Variants in ANO1 observed in about 807,000 individuals in gnomAD.
ANO1 encodes the protein anoctamin 1, also known as anoctamin-1.
A neutral mutation model predicts 124.0 loss-of-function variants in ANO1; 59 were observed. The ratio of observed to expected loss-of-function variants is 0.48; its 90% confidence interval spans 0.39 to 0.59. The LOEUF (loss-of-function observed/expected upper bound fraction) is 0.59, where lower values mean the gene tolerates loss of function less well. Ranked by LOEUF, ANO1 falls within the 20% of genes least tolerant of loss-of-function variation. The probability of loss-of-function intolerance (pLI) is 0.00; values close to 1 mark genes in which losing one functional copy is unlikely to be tolerated. For synonymous variants in ANO1, 529 were observed against 532.0 expected (o/e 0.99, Z 0.08); for missense variants, 1,059 against 1,328.0 (o/e 0.80, Z 3.15).
intron 1 of ANO1, among the ~76,000 whole-genome samples, chr11:70,086,790 C>T (rs2044405744): frequency 6.6e-6 from 1 of 152,216 alleles, no homozygotes; most frequent in Non-Finnish European, 1.5e-5. Flanking sequence ...CTCCTTAACC[C>T]ACCCCTGTCA....
At chr11:70,023,202 G>A (rs115374524) in intron 1 of ANO1, among the ~76,000 whole-genome samples, 1,800 of 152,292 alleles carry the variant, frequency 0.012, 42 homozygotes, top group African/African-American at 0.04. Flanking sequence ...TGGGAAACTC[G>A]TGCGCTGGGA....
chr11:70,077,988 G>A (rs118033038), upstream of ANO1, among the ~76,000 whole-genome samples: 328 of 150,738 alleles, frequency 2.2e-3, no homozygotes, highest in Non-Finnish European at 4.0e-3. Flanking sequence ...AGGGTGGAGG[G>A]AAAGGGGCAG....
chr11:70,044,488 A>G (rs1857228707), intron 1 of ANO1, among the ~76,000 whole-genome samples: 1 of 152,204 alleles, frequency 6.6e-6, no homozygotes, highest in South Asian at 2.1e-4. Context: ...ATCAAAATAA[A>G]TAATGATAGT....
chr11:69,974,369 G>A, the ANO1 span, among the ~76,000 whole-genome samples: 1 of 152,140 alleles, frequency 6.6e-6, no homozygotes, highest in Non-Finnish European at 1.5e-5. Context: ...ACTTAGAGAT[G>A]GTTACTATGG....
intron 1 of ANO1, among the ~76,000 whole-genome samples, chr11:70,065,792 C>G (rs750375941): frequency 6.6e-6 from 1 of 152,212 alleles, no homozygotes; most frequent in Non-Finnish European, 1.5e-5. Flanking sequence ...GTGCCGCTGC[C>G]TGCAATGTTC....
upstream of ANO1, among the ~76,000 whole-genome samples, chr11:70,078,031 C>G (rs2044085905): frequency 1.6e-4 from 1 of 6,352 alleles, no homozygotes; most frequent in South Asian, 0.015. Flanking sequence ...AGCTTCACTC[C>G]CCCCGGAGGC....
At chr11:69,984,459 C>T (rs1855990115), upstream of ANO1, among the ~76,000 whole-genome samples, 1 of 109,502 alleles carries the variant, frequency 9.1e-6, no homozygotes, top group South Asian at 3.3e-4. Context: ...CTTTCAGACT[C>T]AATGCGAGGA....
intron 2 of ANO1, among the ~76,000 whole-genome samples, chr11:70,090,302 T>C (rs1262203103): frequency 6.6e-6 from 1 of 152,192 alleles, no homozygotes; most frequent in Non-Finnish European, 1.5e-5. Flanking sequence ...CCACCGCGCC[T>C]GGCCCCTCCC....
chr11:70,165,615 C>G, intron 20 of ANO1, 45 bp downstream of exon 20: 1 of 1,519,496 alleles, frequency 6.6e-7, no homozygotes, highest in South Asian at 1.2e-5. Context: ...CGGGGCCAGG[C>G]GGAGGGGTGT....
intron 1 of ANO1, among the ~76,000 whole-genome samples, chr11:70,044,164 G>A (rs193014369): frequency 1.1e-4 from 16 of 151,726 alleles, no homozygotes; most frequent in South Asian, 4.2e-4. Context: ...ACTCAAAAGC[G>A]ACCACTAAAT....
intron 25 of ANO1, among the ~76,000 whole-genome samples, chr11:70,187,186 G>A (rs187426766): frequency 6.6e-6 from 1 of 152,234 alleles, no homozygotes; most frequent in African/African-American, 2.4e-5. Flanking sequence ...CACCAGCACC[G>A]CCCGTGGCGG....
chr11:70,175,821 G>C (rs1187274125), intron 22 of ANO1, among the ~76,000 whole-genome samples: 1 of 152,128 alleles, frequency 6.6e-6, no homozygotes, highest in African/African-American at 2.4e-5. Flanking sequence ...GTAAAAATGA[G>C]GCAATTTTCC....
In ANO1 at chr11:70,137,210, T is replaced by C. The variant is rs533985965; in HGVS notation, c.1258+5131T>C. On this transcript the variant is annotated intron_variant, in intron 11 of 25. Coordinates refer to ENST00000355303, the MANE Select transcript of ANO1 (RefSeq NM_018043.7). ...TGAAGCACACGTGCCAGAGCTCCCG[T>C]TGTTTATCACACTGTATCCGAACAG... 3.5e-4 allele frequency among the ~76,000 whole-genome samples: 51 copies of C among 147,116 alleles called. 3 individuals are homozygous for C. The highest frequency in any genetic ancestry group is 1.2e-3 in the African/African-American group (50 of 41,272).
chr11:70,140,763 A>C (rs545511209), intron 11 of ANO1, among the ~76,000 whole-genome samples: 4 of 152,338 alleles, frequency 2.6e-5, no homozygotes, highest in African/African-American at 9.6e-5. Context: ...CAATATTATT[A>C]TCTCTAAAGC....
At chr11:69,973,764 C>A in the ANO1 span, among the ~76,000 whole-genome samples, 6 of 151,220 alleles carry the variant, frequency 4.0e-5, no homozygotes, top group Admixed American at 2.0e-4. Context: ...CCCAGCTACT[C>A]GGGAGGCTAA....
chr11:70,180,746 T>G (rs2048899367), intron 23 of ANO1, among the ~76,000 whole-genome samples: 1 of 152,112 alleles, frequency 6.6e-6, no homozygotes, highest in Non-Finnish European at 1.5e-5. Context: ...AGAGATTCCT[T>G]ATTGGCAATC....
intron 15 of ANO1, 43 bp from the exon 16 acceptor site, chr11:70,156,904 C>G (rs779773601): frequency 6.3e-7 from 1 of 1,581,650 alleles, no homozygotes; most frequent in African/African-American, 1.3e-5. Context: ...GATGTCTCAT[C>G]GTGATGGTTC....
intron 2 of ANO1, among the ~76,000 whole-genome samples, chr11:70,092,242 TTTATCTTAACTCGG>T (rs151007318): frequency 0.011 from 1,684 of 152,314 alleles, 11 homozygotes; most frequent in Admixed American, 0.016. Context: ...CCCCTACGAC[TTTATCTTAACTCGG>T]TTACATCTGC....
chr11:70,152,315 A>G (rs1294886379), intron 12 of ANO1, 135 bp from the exon 13 acceptor site: 3 of 858,862 alleles, frequency 3.5e-6, no homozygotes, highest in Non-Finnish European at 5.3e-6. Flanking sequence ...AGCCTGCTCA[A>G]TAGAGCAAGA....
Sources: gnomAD v4.1 joint callset for allele counts (sites outside exome capture counted in the v4.1 genomes callset) on GRCh38, gnomAD v4.1.1 for gene constraint, MANE v1.5 for transcripts, NCBI Gene and HGNC (gene_info 2026-07-23, HGNC 2026-07-21) for gene names.